SNTG1: variants seen among roughly 807,000 people sequenced by gnomAD.
SNTG1 encodes syntrophin gamma 1, also known as gamma-1-syntrophin.
Under a neutral mutation model 74.7 loss-of-function variants are expected in SNTG1, and 39 were observed. The observed-to-expected ratio is 0.52, with a 90% CI of 0.40 to 0.68. SNTG1 has a LOEUF of 0.68. SNTG1 is among the 30% of genes least tolerant of loss of function. The pLI, the probability that SNTG1 is intolerant of heterozygous loss-of-function variation, is 0.00. For missense variants in SNTG1, 685 were observed against 609.5 expected, an observed-to-expected ratio of 1.12 and a Z score of -1.30; for synonymous variants, 254 against 217.1, an observed-to-expected ratio of 1.17 and a Z score of -1.49.
At chr8:50,451,230 A>T (rs1397880467) in intron 8 of SNTG1, among the ~76,000 whole-genome samples, 1 of 152,216 alleles carries the variant, frequency 6.6e-6, no homozygotes, top group East Asian at 1.9e-4. Context: ...TGACTATTAC[A>T]TAGTATTTGC....
chr8:50,180,924 C>T (rs1390962610), intron 2 of SNTG1, among the ~76,000 whole-genome samples: 1 of 152,026 alleles, frequency 6.6e-6, no homozygotes, highest in African/African-American at 2.4e-5. Flanking sequence ...CCATGCCTGG[C>T]TAAATTTTTT....
At chr8:49,973,108 C>T (rs552129525) in intron 1 of SNTG1, among the ~76,000 whole-genome samples, 3 of 152,182 alleles carry the variant, frequency 2.0e-5, no homozygotes, top group Non-Finnish European at 4.4e-5. Flanking sequence ...AGACTTGGAA[C>T]CAAGCCAAAT....
chr8:50,479,454 A>G (rs2093722539), intron 8 of SNTG1, among the ~76,000 whole-genome samples: 1 of 152,070 alleles, frequency 6.6e-6, no homozygotes, highest in Non-Finnish European at 1.5e-5. Context: ...TAATTTTCTT[A>G]GTGCCTGTCT....
intron 2 of SNTG1, among the ~76,000 whole-genome samples, chr8:50,203,653 G>T (rs1213388898): frequency 6.6e-6 from 1 of 151,964 alleles, no homozygotes; most frequent in African/African-American, 2.4e-5. Flanking sequence ...CATTTGTAAT[G>T]GTTCTGAGGA....
chr8:50,293,569 C>T (rs1381500919), intron 2 of SNTG1, among the ~76,000 whole-genome samples: 1 of 151,862 alleles, frequency 6.6e-6, no homozygotes, highest in East Asian at 1.9e-4. Flanking sequence ...ACCAAAACGC[C>T]CAGCTAATTT....
At chr8:49,935,659 C>A (rs1021801195) in intron 1 of SNTG1, among the ~76,000 whole-genome samples, 15 of 152,144 alleles carry the variant, frequency 9.9e-5, no homozygotes, top group Admixed American at 9.2e-4. Flanking sequence ...TAGAACCCAA[C>A]TGATGTATGC....
intron 2 of SNTG1, among the ~76,000 whole-genome samples, chr8:50,218,431 T>G (rs879093015): frequency 4.5e-4 from 68 of 152,330 alleles, no homozygotes; most frequent in Admixed American, 2.3e-3. Flanking sequence ...TGTTATATAT[T>G]TAAGTTTATT....
intron 1 of SNTG1, among the ~76,000 whole-genome samples, chr8:50,008,144 G>A (rs1049575496): frequency 5.9e-5 from 9 of 151,902 alleles, no homozygotes; most frequent in African/African-American, 9.7e-5. Flanking sequence ...AGAATTTATG[G>A]AAAAAAACCC....
chr8:50,338,005 G>A (rs1012769533), intron 2 of SNTG1, among the ~76,000 whole-genome samples: 1 of 151,886 alleles, frequency 6.6e-6, no homozygotes, highest in African/African-American at 2.4e-5. Context: ...GCTTGGTGGC[G>A]GGCGCCTGTA....
chr8:49,959,726 T>G (rs1305020022), intron 1 of SNTG1, among the ~76,000 whole-genome samples: 1 of 152,208 alleles, frequency 6.6e-6, no homozygotes, highest in East Asian at 1.9e-4. Flanking sequence ...TTTCTACTTT[T>G]GGGCTATTAT....
chr8:50,509,585 A>G (rs1042159250), intron 9 of SNTG1, among the ~76,000 whole-genome samples: 6 of 151,870 alleles, frequency 4.0e-5, no homozygotes, highest in Admixed American at 3.3e-4. Flanking sequence ...ATCCTCTTGT[A>G]TTTCATTGAG....
At chr8:50,688,038 G>T (rs921340161) in intron 15 of SNTG1, among the ~76,000 whole-genome samples, 1 of 151,978 alleles carries the variant, frequency 6.6e-6, no homozygotes, top group Non-Finnish European at 1.5e-5. Context: ...GCGTTTTTTG[G>T]CTGCATAAAT....
chr8:50,219,770 A>T (rs2084969006), intron 2 of SNTG1, among the ~76,000 whole-genome samples: 1 of 152,194 alleles, frequency 6.6e-6, no homozygotes, highest in Admixed American at 6.5e-5. Context: ...GCAATTTGGC[A>T]TGAGATTTGG....
intron 12 of SNTG1, among the ~76,000 whole-genome samples, chr8:50,578,228 C>G (rs537940907): frequency 6.6e-6 from 1 of 152,172 alleles, no homozygotes; most frequent in Admixed American, 6.5e-5. Flanking sequence ...GACATTCTTT[C>G]TGAGTCCTCA....
At chr8:50,222,482 G>C (rs1251732409) in intron 2 of SNTG1, among the ~76,000 whole-genome samples, 2 of 152,148 alleles carry the variant, frequency 1.3e-5, no homozygotes, top group Non-Finnish European at 2.9e-5. Flanking sequence ...TTTTTGGTGT[G>C]TTGGGAATCA....
chr8:50,385,421 C>T (rs74571510), intron 2 of SNTG1, among the ~76,000 whole-genome samples: 2,753 of 152,244 alleles, frequency 0.018, 80 homozygotes, highest in African/African-American at 0.064. Context: ...ACCACTGGAC[C>T]CCCAGAAACT....
At chr8:50,187,764 T>C (rs1417263215) in intron 2 of SNTG1, among the ~76,000 whole-genome samples, 1 of 152,150 alleles carries the variant, frequency 6.6e-6, no homozygotes, top group Admixed American at 6.6e-5. Flanking sequence ...TCATGGATGG[T>C]AATTTTGCAA....
At chr8:50,382,655 A>C (rs1235097725) in intron 2 of SNTG1, among the ~76,000 whole-genome samples, 1 of 152,182 alleles carries the variant, frequency 6.6e-6, no homozygotes, top group South Asian at 2.1e-4. Context: ...TTTTTTTAAA[A>C]AAGAAATATG....
intron 1 of SNTG1, among the ~76,000 whole-genome samples, chr8:50,081,296 T>C (rs1297200409): frequency 6.6e-6 from 1 of 152,072 alleles, no homozygotes; most frequent in Non-Finnish European, 1.5e-5. Context: ...AGTCAAGCAA[T>C]AATCATGTTG....
Sources: gnomAD v4.1 joint callset for allele counts (sites outside exome capture counted in the v4.1 genomes callset) on GRCh38, gnomAD v4.1.1 for gene constraint, MANE v1.5 for transcripts, NCBI Gene and HGNC (gene_info 2026-07-23, HGNC 2026-07-21) for gene names.